Variants in RAB3C observed in about 807,000 individuals in gnomAD.
RAB3C encodes ras-related protein Rab-3C.
In RAB3C, 17 loss-of-function variants were observed where a neutral mutation model predicts 26.4. The ratio of observed to expected loss-of-function variants is 0.64; its 90% CI spans 0.44 to 0.97. The LOEUF is 0.97. Among genes scored for constraint, RAB3C ranks in the 50% least tolerant of loss-of-function variants. The pLI is 0.00. For synonymous variants in RAB3C, 91 were observed against 95.9 expected, an observed-to-expected ratio of 0.95 and a Z score of 0.30; for missense variants, 242 against 281.9, an observed-to-expected ratio of 0.86 and a Z score of 1.01.
chr5:58,783,258 A>G (rs945025369), intron 3 of RAB3C, among the ~76,000 whole-genome samples: 5 of 152,190 alleles, frequency 3.3e-5, no homozygotes, highest in African/African-American at 1.2e-4. Context: ...TTTTTAGATT[A>G]AAGGCTAAAA....
At chr5:58,616,031 G>A (rs75982113) in intron 1 of RAB3C, among the ~76,000 whole-genome samples, 2,606 of 150,800 alleles carry the variant, frequency 0.017, 71 homozygotes, top group African/African-American at 0.059. Context: ...CAGGTAACCA[G>A]TGTTGTCCTA....
At chr5:58,654,880 T>C (rs1298705164) in intron 2 of RAB3C, among the ~76,000 whole-genome samples, 1 of 152,202 alleles carries the variant, frequency 6.6e-6, no homozygotes, top group Non-Finnish European at 1.5e-5. Flanking sequence ...AGTGGGGATA[T>C]AATGTACAAA....
intron 2 of RAB3C, among the ~76,000 whole-genome samples, chr5:58,650,500 C>T (rs911169043): frequency 1.4e-4 from 21 of 152,112 alleles, no homozygotes; most frequent in African/African-American, 4.3e-4. Context: ...GCAAGTAATA[C>T]GGTTTAACTG....
At chr5:58,780,330 G>A (rs1440630933) in intron 3 of RAB3C, among the ~76,000 whole-genome samples, 1 of 152,130 alleles carries the variant, frequency 6.6e-6, no homozygotes, top group African/African-American at 2.4e-5. Context: ...TTCTAAATTT[G>A]GTTTCCTGAA....
chr5:58,588,951 G>C (rs185321324), intron 1 of RAB3C, among the ~76,000 whole-genome samples: 1 of 152,194 alleles, frequency 6.6e-6, no homozygotes, highest in Non-Finnish European at 1.5e-5. Flanking sequence ...TTGAATAGAC[G>C]TGATGACAGC....
At chr5:58,764,144 G>C (rs1250635222) in intron 3 of RAB3C, among the ~76,000 whole-genome samples, 4 of 152,150 alleles carry the variant, frequency 2.6e-5, no homozygotes, top group Non-Finnish European at 4.4e-5. Flanking sequence ...GTGCTGTAAG[G>C]ATGCAGAAGT....
intron 2 of RAB3C, among the ~76,000 whole-genome samples, chr5:58,665,197 T>A (rs1353875752): frequency 6.6e-6 from 1 of 152,072 alleles, no homozygotes; most frequent in Non-Finnish European, 1.5e-5. Flanking sequence ...TATGAGAACA[T>A]TTGTGTGTAA....
chr5:58,677,877 C>A (rs560861159), intron 2 of RAB3C, among the ~76,000 whole-genome samples: 25 of 152,050 alleles, frequency 1.6e-4, no homozygotes, highest in Non-Finnish European at 3.1e-4. Flanking sequence ...TGTGACATAT[C>A]TTTTGTACCA....
intron 2 of RAB3C, among the ~76,000 whole-genome samples, chr5:58,626,980 C>T (rs765120209): frequency 2.0e-5 from 3 of 152,174 alleles, no homozygotes; most frequent in Non-Finnish European, 4.4e-5. Context: ...TCACCAACCA[C>T]TGGTAAATTT....
chr5:58,694,071 A>G (rs1030338169), intron 2 of RAB3C, among the ~76,000 whole-genome samples: 2 of 152,072 alleles, frequency 1.3e-5, no homozygotes, highest in African/African-American at 4.8e-5. Context: ...TCCTAATGCT[A>G]TCGCTCCCCC....
intron 3 of RAB3C, among the ~76,000 whole-genome samples, chr5:58,756,454 G>A (rs1436907152): frequency 6.8e-6 from 1 of 147,298 alleles, no homozygotes; most frequent in Admixed American, 6.9e-5. Context: ...AGAACGTGCA[G>A]GTTTGTTGCA....
intron 3 of RAB3C, among the ~76,000 whole-genome samples, chr5:58,819,750 A>G (rs1276860628): frequency 6.6e-6 from 1 of 152,058 alleles, no homozygotes; most frequent in Non-Finnish European, 1.5e-5. Flanking sequence ...GTTGTGGTGC[A>G]TGCCTGTAAT....
chr5:58,674,112 T>C (rs1748177089), intron 2 of RAB3C, among the ~76,000 whole-genome samples: 1 of 152,164 alleles, frequency 6.6e-6, no homozygotes, highest in Admixed American at 6.5e-5. Flanking sequence ...GACTCATAAA[T>C]ATTTGAAGGA....
Position 58,683,387 on chromosome 5 carries a change from A to ATAT in RAB3C, c.253-42615_253-42614insTAT, listed in dbSNP as rs1474912621. On this transcript the variant is annotated intron_variant, in intron 2 of 4. Transcript: ENST00000282878. ...AAAAATAAAGTTATCTTTTTCATAT[A>ATAT]CTTTGTAAACCACTTAGAATTGTAC... Among the ~76,000 whole-genome samples the ATAT allele has an allele frequency of 7.8e-5, 6 of 77,356 alleles. No homozygotes were observed. In the East Asian group the frequency reaches 1.9e-3, roughly 25 times the overall value. The allele number at this position is 77,356 out of a possible 152,430, so 50.7% of individuals were successfully genotyped here.
chr5:58,650,790 A>G (rs997627224), intron 2 of RAB3C, among the ~76,000 whole-genome samples: 1 of 152,206 alleles, frequency 6.6e-6, no homozygotes, highest in African/African-American at 2.4e-5. Context: ...AGAATTGGCT[A>G]GGAAATTTCT....
intron 2 of RAB3C, among the ~76,000 whole-genome samples, chr5:58,676,749 A>G (rs767372650): frequency 1.3e-5 from 2 of 152,114 alleles, no homozygotes; most frequent in African/African-American, 2.4e-5. Context: ...TGAAATTTCA[A>G]AACAGGAAGT....
chr5:58,707,221 T>C (rs2111889362), intron 2 of RAB3C, among the ~76,000 whole-genome samples: 1 of 152,352 alleles, frequency 6.6e-6, no homozygotes, highest in South Asian at 2.1e-4. Context: ...CAGTAGTTTG[T>C]AATCACACCT....
rs150751929 is a variant in RAB3C at position 58,679,789 on chromosome 5, C to T, written c.253-46213C>T. ...GAGAATCCAAATGTGAATTATTCAG[C>T]AAAATCATGCAGGCTTTTCTTTGCA... On this transcript the variant is annotated intron_variant, in intron 2 of 4. Coordinates refer to ENST00000282878, the MANE Select transcript of RAB3C (RefSeq NM_138453.4). Among the ~76,000 whole-genome samples, 20 of 152,248 alleles carry T rather than the reference C, an allele frequency of 1.3e-4. No individual in the cohort carries two copies. The East Asian group carries it at 3.9e-3, about 29-fold the overall frequency.
At chr5:58,606,872 C>T (rs1270641324) in intron 1 of RAB3C, among the ~76,000 whole-genome samples, 1 of 152,140 alleles carries the variant, frequency 6.6e-6, no homozygotes, top group African/African-American at 2.4e-5. Flanking sequence ...GCATCGACAT[C>T]AACAAAAAGG....
Sources: gnomAD v4.1 joint callset for allele counts (sites outside exome capture counted in the v4.1 genomes callset) on GRCh38, gnomAD v4.1.1 for gene constraint, MANE v1.5 for transcripts, NCBI Gene and HGNC (gene_info 2026-07-23, HGNC 2026-07-21) for gene names.